Variants in BACH2 observed in about 807,000 individuals in gnomAD.
BACH2 encodes transcription regulator protein BACH2.
BACH2 carries 5 observed loss-of-function variants against 61.8 expected under a neutral mutation model. The observed-to-expected ratio is 0.08, with a 90% confidence interval of 0.04 to 0.17. BACH2 has a LOEUF of 0.17. Among genes scored for constraint, BACH2 ranks in the 10% least tolerant of loss-of-function variants. BACH2 has a pLI of 1.00. For missense variants in BACH2, 824 were observed against 1,091.1 expected (o/e 0.76, Z 3.45); for synonymous variants, 446 against 440.1 (o/e 1.01, Z -0.17).
chr6:89,980,199 C>G (rs1775873806), intron 6 of BACH2, among the ~76,000 whole-genome samples: 1 of 151,396 alleles, frequency 6.6e-6, no homozygotes, highest in Non-Finnish European at 1.5e-5. Context: ...GAGGCTGAAG[C>G]AAGAGAATTG....
chr6:90,276,871 G>T (rs996418862), intron 1 of BACH2, among the ~76,000 whole-genome samples: 4 of 152,116 alleles, frequency 2.6e-5, no homozygotes, highest in Non-Finnish European at 4.4e-5. Context: ...AGAGAAACCT[G>T]AGTGATATAA....
chr6:90,290,440 A>G (rs2127892654), intron 1 of BACH2, among the ~76,000 whole-genome samples: 1 of 152,376 alleles, frequency 6.6e-6, no homozygotes, highest in East Asian at 1.9e-4. Context: ...CTGCCATGTA[A>G]GAGATACTCA....
intron 5 of BACH2, among the ~76,000 whole-genome samples, chr6:90,070,875 G>GTTCC (rs772555672): frequency 2.0e-5 from 3 of 152,128 alleles, no homozygotes; most frequent in Admixed American, 6.6e-5. Flanking sequence ...ACCTTTCTCT[G>GTTCC]TTCCTTCAAC....
chr6:90,153,085 C>A (rs536273012), intron 4 of BACH2, among the ~76,000 whole-genome samples: 1 of 152,228 alleles, frequency 6.6e-6, no homozygotes, highest in African/African-American at 2.4e-5. Flanking sequence ...AAGACGAAAT[C>A]TCATCAGTAC....
intron 3 of BACH2, among the ~76,000 whole-genome samples, chr6:90,236,426 TA>T (rs1378855515): frequency 3.9e-5 from 6 of 152,210 alleles, no homozygotes; most frequent in African/African-American, 1.4e-4. Context: ...GCGAACAGTT[TA>T]CCCAGGGCAC....
intron 4 of BACH2, among the ~76,000 whole-genome samples, chr6:90,137,186 C>T (rs990115400): frequency 5.3e-5 from 8 of 152,144 alleles, no homozygotes; most frequent in African/African-American, 1.7e-4. Flanking sequence ...ACAATAACAC[C>T]TAAGGAATAC....
intron 5 of BACH2, among the ~76,000 whole-genome samples, chr6:90,042,019 GCTT>G (rs937138062): frequency 3.3e-5 from 5 of 152,132 alleles, no homozygotes; most frequent in Middle Eastern, 3.4e-3. Context: ...TCTGACCACT[GCTT>G]TAAGCTGCAG....
intron 4 of BACH2, among the ~76,000 whole-genome samples, chr6:90,204,055 AAGAG>A (rs955747899): frequency 5.3e-5 from 8 of 152,266 alleles, no homozygotes; most frequent in Middle Eastern, 3.4e-3. Context: ...ATGGATTCAA[AAGAG>A]AGCTGTCAAT....
intron 5 of BACH2, among the ~76,000 whole-genome samples, chr6:90,067,045 C>T (rs1780999753): frequency 6.6e-6 from 1 of 152,170 alleles, no homozygotes; most frequent in Non-Finnish European, 1.5e-5. Flanking sequence ...ATAAAAGCAA[C>T]ATGTAATAGG....
At chr6:90,084,180 C>T (rs1029755728) in intron 5 of BACH2, among the ~76,000 whole-genome samples, 13 of 152,036 alleles carry the variant, frequency 8.6e-5, no homozygotes, top group Admixed American at 8.5e-4. Context: ...GTAGCAAAAC[C>T]GTCAGTAAAC....
chr6:89,947,801 G>A (rs986701434), intron 7 of BACH2, among the ~76,000 whole-genome samples: 8 of 151,844 alleles, frequency 5.3e-5, no homozygotes, highest in East Asian at 1.9e-4. Flanking sequence ...TCGATCTCCC[G>A]ACCTTGTGAT....
intron 6 of BACH2, among the ~76,000 whole-genome samples, chr6:89,979,121 G>C (rs1411457553): frequency 6.6e-6 from 1 of 152,076 alleles, no homozygotes; most frequent in Non-Finnish European, 1.5e-5. Context: ...AAAAATAACT[G>C]TATGGACAGA....
At chr6:90,005,433 T>C (rs1341700671) in intron 6 of BACH2, among the ~76,000 whole-genome samples, 1 of 152,246 alleles carries the variant, frequency 6.6e-6, no homozygotes, top group Non-Finnish European at 1.5e-5. Flanking sequence ...GTTTTTCTTA[T>C]ATCCTATGAA....
rs117474396 is a variant in BACH2, at chr6:90,103,941, T to A, written c.-161-14832A>T. ...AAATAGAAACAGGCATGAATTATTG[T>A]TCACTTTTTGTAGATGCAGACAATG... On this transcript the variant is annotated intron_variant, in intron 4 of 8. Coordinates refer to ENST00000257749, the MANE Select transcript of BACH2 (RefSeq NM_021813.4). Among the ~76,000 whole-genome samples, 656 of 152,348 alleles carry A rather than the reference T, an allele frequency of 4.3e-3. 6 individuals are homozygous for A. Among genetic ancestry groups the A allele is most frequent in the Middle Eastern group, 0.014 (4 of 294 alleles).
At chr6:90,273,090 G>C (rs893931848) in intron 1 of BACH2, among the ~76,000 whole-genome samples, 1 of 152,200 alleles carries the variant, frequency 6.6e-6, no homozygotes, top group African/African-American at 2.4e-5. Context: ...GCCAGGTGCA[G>C]TGGCTCACAC....
chr6:90,234,304 G>C (rs1770192776), intron 3 of BACH2, among the ~76,000 whole-genome samples: 1 of 152,200 alleles, frequency 6.6e-6, no homozygotes, highest in Non-Finnish European at 1.5e-5. Context: ...AGATTCAGAA[G>C]TGCAAAGTAT....
chr6:90,065,145 A>G (rs1262525634), intron 5 of BACH2, among the ~76,000 whole-genome samples: 1 of 151,706 alleles, frequency 6.6e-6, no homozygotes, highest in East Asian at 1.9e-4. Context: ...AAAAAAGCCT[A>G]TACATTGATA....
rs1445670160 is a variant in BACH2 at position 89,950,208 on chromosome 6, A to G, written c.1836+62T>C. ...AATGTGGGAGTGGTGGGGGGCAGGG[A>G]GTAGTCCAGATAAAGGGCCTAGAGA... On this transcript the variant is annotated intron_variant, in intron 7 of 8. Transcript: ENST00000257749. The surrounding 1 kb of genome is among the most constrained non-coding windows in gnomAD (Gnocchi z 5.3). 3.2e-6 allele frequency: 5 copies of G among 1,569,598 alleles called. No individual in the cohort carries two copies. Among genetic ancestry groups the G allele is most frequent in the Non-Finnish European group, 4.4e-6 (5 of 1,140,180 alleles).
In BACH2 at chr6:90,228,284, C is replaced by T. The variant is rs78103256; in HGVS notation, c.-274-21603G>A. Among the ~76,000 whole-genome samples, 136 of 152,298 alleles carry T rather than the reference C, an allele frequency of 8.9e-4. 2 individuals carry two copies. In the East Asian group the frequency reaches 0.022, roughly 24 times the overall value. ...TATCTATCTGTAAGACGCTATCAGC[C>T]GTTAAACACTACAGGCACATCAGCT... On this transcript the variant is annotated intron_variant, in intron 3 of 8. Transcript: ENST00000257749.
Sources: allele counts gnomAD v4.1 joint callset (sites outside exome capture counted in the v4.1 genomes callset), GRCh38; gene constraint gnomAD v4.1.1; non-coding constraint Gnocchi (gnomAD v3.1); transcripts MANE v1.5; gene names NCBI Gene and HGNC (gene_info 2026-07-23, HGNC 2026-07-21).